Variants in ABI3BP observed in about 807,000 individuals in gnomAD.
The protein encoded by ABI3BP is target of Nesh-SH3.
In ABI3BP, 216 loss-of-function variants were observed where a neutral mutation model predicts 268.6. The observed-to-expected ratio is 0.80, with a 90% CI of 0.72 to 0.90. The LOEUF is 0.90. Among genes scored for constraint, ABI3BP ranks in the 40% least tolerant of loss-of-function variants. The pLI, the probability that ABI3BP is intolerant of heterozygous loss-of-function variation, is 0.00. For synonymous variants in ABI3BP, 730 were observed against 730.0 expected, an observed-to-expected ratio of 1.00 and a Z score of 0.00; for missense variants, 2,090 against 2,182.4, an observed-to-expected ratio of 0.96 and a Z score of 0.84.
At chr3:100,887,017 A>G (rs762271327) in intron 4 of ABI3BP, among the ~76,000 whole-genome samples, 2 of 152,036 alleles carry the variant, frequency 1.3e-5, no homozygotes, top group Non-Finnish European at 2.9e-5. Context: ...GGTTTTACAT[A>G]TATTACCTGG....
intron 1 of ABI3BP, among the ~76,000 whole-genome samples, chr3:100,957,303 C>T (rs1419143701): frequency 6.6e-6 from 1 of 152,078 alleles, no homozygotes. Flanking sequence ...GTTTTATTGA[C>T]TCAAGTAATG....
At chr3:100,809,017 T>C (rs941651894) in intron 49 of ABI3BP, among the ~76,000 whole-genome samples, 11 of 152,190 alleles carry the variant, frequency 7.2e-5, no homozygotes, top group Non-Finnish European at 1.3e-4. Flanking sequence ...AAAAACTTGC[T>C]GAAAATAAGA....
chr3:100,770,580 A>G (rs1265114219), intron 62 of ABI3BP, among the ~76,000 whole-genome samples, 163 bp downstream of exon 62: 2 of 152,284 alleles, frequency 1.3e-5, no homozygotes, highest in East Asian at 1.9e-4. Context: ...TTCTCATCCT[A>G]TGACATTGTT....
At chr3:100,906,730 C>T (rs1486863273) in intron 2 of ABI3BP, among the ~76,000 whole-genome samples, 1 of 152,156 alleles carries the variant, frequency 6.6e-6, no homozygotes, top group Non-Finnish European at 1.5e-5. Flanking sequence ...AGGACAGGGA[C>T]AGTTTACTGC....
intron 61 of ABI3BP, among the ~76,000 whole-genome samples, chr3:100,773,956 A>G (rs1233878361): frequency 2.0e-5 from 3 of 152,212 alleles, no homozygotes; most frequent in Non-Finnish European, 2.9e-5. Flanking sequence ...AATAAGAGAA[A>G]GGGATTGCAA....
intron 37 of ABI3BP, among the ~76,000 whole-genome samples, chr3:100,823,159 T>A (rs1048870583): frequency 6.6e-6 from 1 of 152,188 alleles, no homozygotes; most frequent in African/African-American, 2.4e-5. Context: ...AATAGCCTTA[T>A]CTGTCCAGGA....
intron 28 of ABI3BP, 151 bp downstream of exon 28, chr3:100,835,450 T>A: frequency 1.6e-6 from 1 of 641,882 alleles, no homozygotes; most frequent in Non-Finnish European, 2.6e-6. Context: ...TTTAAGCACT[T>A]TCAATACATT....
intron 59 of ABI3BP, among the ~76,000 whole-genome samples, chr3:100,778,073 C>G (rs1255147269): frequency 1.3e-5 from 2 of 152,160 alleles, no homozygotes; most frequent in Non-Finnish European, 2.9e-5. Context: ...AGCAAACTTG[C>G]CTAGATGCAG....
At chr3:100,882,084 C>T (rs903242183) in intron 6 of ABI3BP, among the ~76,000 whole-genome samples, 4 of 152,098 alleles carry the variant, frequency 2.6e-5, no homozygotes, top group African/African-American at 9.7e-5. Flanking sequence ...CCGAATACCT[C>T]TTATTGGAAG....
In ABI3BP at chr3:100,764,123, T is replaced by A. The variant is rs144304913; in HGVS notation, c.4850+1718A>T. Among the ~76,000 whole-genome samples the A allele has an allele frequency of 4.6e-5, 7 of 152,358 alleles. No individual in the cohort carries two copies. The East Asian group carries it at 1.3e-3, about 29-fold the overall frequency. On this transcript the variant is annotated intron_variant, in intron 63 of 67. Coordinates refer to ENST00000471714, the MANE Select transcript of ABI3BP (RefSeq NM_001375547.2). ...AACCATGCCATTTTGGCCCTCCGTG[T>A]ACTGACATACACTATTCTAACACTC...
chr3:100,867,656 A>G (rs920287771), intron 9 of ABI3BP, among the ~76,000 whole-genome samples: 29 of 151,418 alleles, frequency 1.9e-4, no homozygotes, highest in African/African-American at 5.1e-4. Flanking sequence ...AAAAAAAAAA[A>G]AAAAAGAAAA....
chr3:100,978,005 C>T (rs186244324), intron 1 of ABI3BP, among the ~76,000 whole-genome samples: 302 of 152,254 alleles, frequency 2.0e-3, no homozygotes, highest in Non-Finnish European at 3.7e-3. Flanking sequence ...GTCTAGACAG[C>T]TCTTAAGTTT....
chr3:100,762,009 A>C (rs907986635), intron 63 of ABI3BP, among the ~76,000 whole-genome samples: 1 of 152,244 alleles, frequency 6.6e-6, no homozygotes, highest in African/African-American at 2.4e-5. Context: ...TAACAGCTAT[A>C]ATTCAAAGTT....
At chr3:100,768,083 G>GTTTTTTTTT (rs11371725) in intron 62 of ABI3BP, among the ~76,000 whole-genome samples, 3 of 108,720 alleles carry the variant, frequency 2.8e-5, no homozygotes, top group African/African-American at 3.5e-5. Context: ...TTTGGCTCAA[G>GTTTTTTTTT]TTTTTTTTTT....
chr3:100,836,459 C>T (rs931139414), intron 27 of ABI3BP, among the ~76,000 whole-genome samples: 5 of 152,046 alleles, frequency 3.3e-5, no homozygotes, highest in Non-Finnish European at 7.4e-5. Context: ...TCTCTTATTG[C>T]TCAAGACATC....
chr3:100,859,375 A>G (rs1348469289), intron 14 of ABI3BP, among the ~76,000 whole-genome samples: 1 of 152,132 alleles, frequency 6.6e-6, no homozygotes, highest in African/African-American at 2.4e-5. Flanking sequence ...TTACGTTTGC[A>G]CCAACCTATA....
At chr3:100,857,720 T>G (rs766103725) in intron 14 of ABI3BP, among the ~76,000 whole-genome samples, 6 of 152,186 alleles carry the variant, frequency 3.9e-5, no homozygotes, top group Non-Finnish European at 7.3e-5. Flanking sequence ...AGGAAAGAAA[T>G]GAATGAGCCT....
chr3:100,992,097 T>C (rs944414709), intron 1 of ABI3BP, among the ~76,000 whole-genome samples: 1 of 152,190 alleles, frequency 6.6e-6, no homozygotes, highest in Non-Finnish European at 1.5e-5. Context: ...AGCAAAACTC[T>C]TGGTAGAAAA....
rs891914215 is a variant in ABI3BP at position 100,774,477 on chromosome 3, T to C, written c.4531+128A>G. The C allele has an allele frequency of 1.5e-5, 10 of 680,674 alleles. No individual in the cohort carries two copies. In the South Asian group the frequency reaches 1.6e-4, roughly 11 times the overall value. 42.2% of individuals were successfully genotyped at this position (680,674 alleles called of 1,614,324 possible). A position where few individuals can be genotyped will look rare whatever the true frequency, so the allele number is the denominator to read the frequency against. On this transcript the variant is annotated intron_variant, in intron 61 of 67. Transcript: ENST00000471714. The stretch of plus-strand genomic sequence containing the variant: ...CACCCAGTTGACTTGCAGACACCCA[T>C]GAAAAATAAAACCTTATTATTATAA...
Sources: gnomAD v4.1 joint callset for allele counts (sites outside exome capture counted in the v4.1 genomes callset) on GRCh38, gnomAD v4.1.1 for gene constraint, MANE v1.5 for transcripts, NCBI Gene and HGNC (gene_info 2026-07-23, HGNC 2026-07-21) for gene names.